The following CNTN4 variants were observed in gnomAD, a reference collection of about 807,000 sequenced individuals.
CNTN4 encodes the protein contactin 4, also known as contactin-4.
In CNTN4, 77 loss-of-function variants were observed where a neutral mutation model predicts 122.5. The observed-to-expected ratio is 0.63, with a 90% confidence interval of 0.52 to 0.76. The LOEUF (loss-of-function observed/expected upper bound fraction) is 0.76, where lower values mean the gene tolerates loss of function less well. CNTN4 is among the 30% of genes least tolerant of loss of function. The pLI is 0.00. For missense variants in CNTN4, 1,256 were observed against 1,259.1 expected, an observed-to-expected ratio of 1.00 and a Z score of 0.04; for synonymous variants, 512 against 447.0, an observed-to-expected ratio of 1.15 and a Z score of -1.83.
intron 16 of CNTN4, among the ~76,000 whole-genome samples, chr3:3,032,903 G>A (rs9835261): frequency 0.027 from 4,054 of 152,174 alleles, 163 homozygotes; most frequent in African/African-American, 0.092. Context: ...CTGTAAGGTC[G>A]TAGCTATGCA....
intron 4 of CNTN4, among the ~76,000 whole-genome samples, chr3:2,597,415 A>G (rs911745287): frequency 4.6e-5 from 7 of 152,176 alleles, no homozygotes; most frequent in African/African-American, 1.4e-4. Context: ...TTTGGCAGGG[A>G]GCACCTTATG....
In CNTN4 at chr3:2,162,197, TTG is replaced by T. The variant is rs200710284; in HGVS notation, c.-145+61560_-145+61561del. ...CAGCGCATTATGATTTCAACTGTGTTTGTACTTGAATTACTCATTTTTGTTTA... is the reference window on the plus strand; with the variant it reads ...CAGCGCATTATGATTTCAACTGTGTTTACTTGAATTACTCATTTTTGTTTA... On this transcript the variant is annotated intron_variant, in intron 2 of 24. Coordinates refer to ENST00000418658, the MANE Select transcript of CNTN4 (RefSeq NM_175607.3). 4.3e-3 allele frequency among the ~76,000 whole-genome samples: 650 copies of T among 152,354 alleles called. 4 individuals are homozygous for T. Among genetic ancestry groups the T allele is most frequent in the African/African-American group, 0.015 (623 of 41,580 alleles).
intron 2 of CNTN4, among the ~76,000 whole-genome samples, chr3:2,223,375 G>T (rs924093750): frequency 3.3e-5 from 5 of 151,962 alleles, no homozygotes; most frequent in African/African-American, 9.7e-5. Context: ...CTGTTTCATG[G>T]TATCCCTTCT....
chr3:2,909,085 C>T (rs1378952290), intron 12 of CNTN4, among the ~76,000 whole-genome samples: 1 of 152,174 alleles, frequency 6.6e-6, no homozygotes, highest in Non-Finnish European at 1.5e-5. Context: ...TAGGGACTTT[C>T]ACAAGTGCTC....
intron 3 of CNTN4, among the ~76,000 whole-genome samples, chr3:2,481,959 A>G (rs2076018527): frequency 6.6e-6 from 1 of 152,188 alleles, no homozygotes; most frequent in Non-Finnish European, 1.5e-5. Context: ...TAAAATACTC[A>G]GTCTCTGCAT....
chr3:2,888,562 C>T (rs1337427979), intron 10 of CNTN4, among the ~76,000 whole-genome samples: 2 of 152,014 alleles, frequency 1.3e-5, no homozygotes, highest in African/African-American at 2.4e-5. Context: ...TTTTCATACC[C>T]GGAACCCATG....
chr3:2,571,459 G>C lies in CNTN4; in HGVS notation c.-45G>C. The C allele has an allele frequency of 7.1e-7, 1 of 1,412,432 alleles. No individual in the cohort carries two copies. Among genetic ancestry groups the C allele is most frequent in the Non-Finnish European group, 1.0e-6 (1 of 996,286 alleles). 87.5% of individuals were successfully genotyped at this position (1,412,432 alleles called of 1,614,324 possible). A position where few individuals can be genotyped will look rare whatever the true frequency, so the allele number is the denominator to read the frequency against. On this transcript the variant is annotated 5_prime_UTR_variant, in exon 4 of 25. Transcript: ENST00000418658. Reference sequence around the variant, plus strand: ...CTTAAAAGAAGCAGCAATTCTATTCGCTTGTTATTGGACTTGAAACTCCCT... The same window carrying C: ...CTTAAAAGAAGCAGCAATTCTATTCCCTTGTTATTGGACTTGAAACTCCCT...
chr3:2,223,596 C>G (rs555751386), intron 2 of CNTN4, among the ~76,000 whole-genome samples: 1 of 152,168 alleles, frequency 6.6e-6, no homozygotes, highest in Non-Finnish European at 1.5e-5. Flanking sequence ...TAATGCTATT[C>G]TTACAGAGGC....
At chr3:2,480,643 C>A (rs1246880436) in intron 3 of CNTN4, among the ~76,000 whole-genome samples, 3 of 152,210 alleles carry the variant, frequency 2.0e-5, no homozygotes, top group Admixed American at 6.5e-5. Flanking sequence ...CATGTTTATA[C>A]ATAGGAAGAC....
In CNTN4 at chr3:2,883,580, G is replaced by T. The variant is rs1002375821; in HGVS notation, c.755+333G>T. 1.2e-3 allele frequency among the ~76,000 whole-genome samples: 181 copies of T among 152,292 alleles called. 2 individuals are homozygous for T. The highest frequency in any genetic ancestry group is 4.9e-3 in the Admixed American group (75 of 15,294). On this transcript the variant is annotated intron_variant, in intron 9 of 24. Coordinates refer to ENST00000418658, the MANE Select transcript of CNTN4 (RefSeq NM_175607.3). ...CAGGAAAACAATGGCCTCCACTTGA[G>T]GTACAGTTAAGCTGACTATGTGGAA...
At chr3:2,788,473 C>T (rs1257342123) in intron 6 of CNTN4, among the ~76,000 whole-genome samples, 1 of 152,154 alleles carries the variant, frequency 6.6e-6, no homozygotes. Context: ...TCACAACATT[C>T]TTACTGAATT....
intron 5 of CNTN4, among the ~76,000 whole-genome samples, chr3:2,739,719 C>T (rs2089344644): frequency 6.6e-6 from 1 of 152,108 alleles, no homozygotes. Context: ...ACAAGTTTTA[C>T]ATGGCAAGGA....
chr3:2,565,712 T>C (rs1175511543), intron 3 of CNTN4, among the ~76,000 whole-genome samples: 1 of 152,222 alleles, frequency 6.6e-6, no homozygotes, highest in African/African-American at 2.4e-5. Context: ...AAGATTTTAC[T>C]GTATGCCATT....
chr3:2,160,407 C>G (rs1392618923), intron 2 of CNTN4, among the ~76,000 whole-genome samples: 1 of 152,128 alleles, frequency 6.6e-6, no homozygotes, highest in African/African-American at 2.4e-5. Flanking sequence ...ACTCCATGTC[C>G]TGGATGGCCT....
intron 2 of CNTN4, among the ~76,000 whole-genome samples, chr3:2,238,118 A>T (rs1306750535): frequency 6.6e-6 from 1 of 152,134 alleles, no homozygotes. Flanking sequence ...CACTTTTTAA[A>T]TTTGCAGGCT....
chr3:2,318,447 C>A (rs1476961386), intron 2 of CNTN4, among the ~76,000 whole-genome samples: 1 of 152,052 alleles, frequency 6.6e-6, no homozygotes, highest in Non-Finnish European at 1.5e-5. Context: ...ATCAGGATTC[C>A]TTTCTCTTGA....
chr3:2,220,896 A>G (rs1324784559), intron 2 of CNTN4, among the ~76,000 whole-genome samples: 2 of 152,192 alleles, frequency 1.3e-5, no homozygotes, highest in African/African-American at 4.8e-5. Flanking sequence ...ATTTCCTGAT[A>G]GTATCTTTAT....
intron 6 of CNTN4, among the ~76,000 whole-genome samples, 162 bp from the exon 7 acceptor site, chr3:2,819,324 T>C (rs74483074): frequency 0.046 from 6,969 of 152,264 alleles, 522 homozygotes; most frequent in African/African-American, 0.16. Context: ...TCAAGGAGGA[T>C]GGGACAATGT....
chr3:2,304,125 A>C (rs2042621565), intron 2 of CNTN4, among the ~76,000 whole-genome samples: 2 of 152,198 alleles, frequency 1.3e-5, no homozygotes, highest in South Asian at 4.1e-4. Flanking sequence ...CATTTGGTGA[A>C]ATTACTTGTT....
Sources: gnomAD v4.1 joint callset for allele counts (sites outside exome capture counted in the v4.1 genomes callset) on GRCh38, gnomAD v4.1.1 for gene constraint, MANE v1.5 for transcripts, NCBI Gene and HGNC (gene_info 2026-07-23, HGNC 2026-07-21) for gene names.